The following RPH3A variants were observed in gnomAD, a reference collection of about 807,000 sequenced individuals.
The protein encoded by RPH3A is rabphilin 3A.
Under a neutral mutation model 102.2 loss-of-function variants are expected in RPH3A, and 48 were observed. That is an observed-to-expected ratio of 0.47 (90% CI 0.37 to 0.60). The LOEUF is 0.60. Among genes scored for constraint, RPH3A ranks in the 20% least tolerant of loss-of-function variants. The probability of loss-of-function intolerance (pLI) is 0.00; values close to 1 mark genes in which losing one functional copy is unlikely to be tolerated. For synonymous variants in RPH3A, 310 were observed against 324.3 expected, an observed-to-expected ratio of 0.96 and a Z score of 0.47; for missense variants, 781 against 910.1, an observed-to-expected ratio of 0.86 and a Z score of 1.83.
rs1306626141 is a variant in RPH3A, at chr12:112,898,649, T to C, written c.*1869T>C. The C allele has an allele frequency of 6.6e-6, 1 of 152,158 alleles. No homozygotes were observed. The highest frequency in any genetic ancestry group is 2.1e-4 in the South Asian group (1 of 4,822). The allele number at this position is 152,158 out of a possible 1,614,324, so 9.4% of individuals were successfully genotyped here. A position where few individuals can be genotyped will look rare whatever the true frequency, so the allele number is the denominator to read the frequency against. On this transcript the variant is annotated 3_prime_UTR_variant, in exon 22 of 22. Transcript: ENST00000389385. ...TCAGCCCACCTCCCTCACCACAGTT[T>C]CCCCTTAGGAGACAGCATGCTGGCT...
chr12:112,692,465 T>C (rs553319071), intron 1 of RPH3A, among the ~76,000 whole-genome samples: 1 of 152,210 alleles, frequency 6.6e-6, no homozygotes, highest in South Asian at 2.1e-4. Context: ...ATAAAAGAAA[T>C]TGAATGTGAG....
intron 13 of RPH3A, among the ~76,000 whole-genome samples, chr12:112,877,569 C>T (rs530550875): frequency 6.6e-6 from 1 of 152,206 alleles, no homozygotes; most frequent in African/African-American, 2.4e-5. Flanking sequence ...TGGGTGGGGA[C>T]ATTACCAGTT....
chr12:112,661,265 C>A (rs1303485142), intron 1 of RPH3A, among the ~76,000 whole-genome samples: 1 of 152,086 alleles, frequency 6.6e-6, no homozygotes, highest in Non-Finnish European at 1.5e-5. Flanking sequence ...TCCTCAAGTG[C>A]AAAATAGAAG....
At chr12:112,579,885 A>G (rs2039384494) in intron 1 of RPH3A, among the ~76,000 whole-genome samples, 1 of 152,310 alleles carries the variant, frequency 6.6e-6, no homozygotes, top group South Asian at 2.1e-4. Context: ...GTGCACCACC[A>G]TAGCTGGCCA....
intron 2 of RPH3A, among the ~76,000 whole-genome samples, chr12:112,821,298 A>G (rs1024755092): frequency 6.6e-6 from 1 of 152,190 alleles, no homozygotes; most frequent in African/African-American, 2.4e-5. Context: ...CTCTGGATGC[A>G]TATTTGAGAT....
At chr12:112,804,639 C>T (rs762764346) in intron 2 of RPH3A, among the ~76,000 whole-genome samples, 19 of 152,240 alleles carry the variant, frequency 1.2e-4, no homozygotes, top group Non-Finnish European at 2.4e-4. Context: ...CCTGGGCTCA[C>T]GTCTCCACTT....
chr12:112,576,034 A>G (rs887703617), intron 1 of RPH3A, among the ~76,000 whole-genome samples: 1 of 152,198 alleles, frequency 6.6e-6, no homozygotes, highest in Non-Finnish European at 1.5e-5. Context: ...AGTTTCAACT[A>G]CGCACCAGGC....
chr12:112,627,207 A>G (rs2039773096), intron 1 of RPH3A, among the ~76,000 whole-genome samples: 2 of 151,458 alleles, frequency 1.3e-5, no homozygotes, highest in East Asian at 3.9e-4. Context: ...CTTAAAGTAT[A>G]ATAAAAATAA....
chr12:112,847,307 T>C (rs1052152074), intron 4 of RPH3A, among the ~76,000 whole-genome samples: 2 of 152,200 alleles, frequency 1.3e-5, no homozygotes, highest in African/African-American at 4.8e-5. Context: ...TTTAAAAAGC[T>C]ATGTGGCCCC....
upstream of RPH3A, among the ~76,000 whole-genome samples, chr12:112,786,995 C>A (rs753450544): frequency 1.4e-4 from 22 of 152,144 alleles, no homozygotes; most frequent in Non-Finnish European, 3.1e-4. Flanking sequence ...TACCTGGTAG[C>A]TTCTTCCACC....
At chr12:112,723,658 A>G (rs1040829443) in intron 1 of RPH3A, among the ~76,000 whole-genome samples, 4 of 152,254 alleles carry the variant, frequency 2.6e-5, no homozygotes, top group African/African-American at 9.6e-5. Context: ...GAGAACCGCT[A>G]GAGATCACTT....
intron 1 of RPH3A, among the ~76,000 whole-genome samples, chr12:112,710,568 C>G (rs969484108): frequency 7.2e-5 from 11 of 152,202 alleles, no homozygotes; most frequent in Admixed American, 5.2e-4. Context: ...GTGACACGTC[C>G]TTAAGGTCCC....
At chr12:112,580,277 TC>T (rs2039388057) in intron 1 of RPH3A, among the ~76,000 whole-genome samples, 1 of 151,446 alleles carries the variant, frequency 6.6e-6, no homozygotes, top group South Asian at 2.1e-4. Flanking sequence ...TTTCTATATC[TC>T]CCCACCCCCT....
intron 1 of RPH3A, among the ~76,000 whole-genome samples, chr12:112,751,088 T>C (rs1430414697): frequency 6.6e-6 from 1 of 152,228 alleles, no homozygotes; most frequent in Non-Finnish European, 1.5e-5. Context: ...TTGGCCTTCC[T>C]TAGGACTTTT....
At chr12:112,677,906 G>C (rs181912913) in intron 1 of RPH3A, among the ~76,000 whole-genome samples, 10 of 152,122 alleles carry the variant, frequency 6.6e-5, no homozygotes, top group Admixed American at 1.3e-4. Context: ...AAATACAAGG[G>C]CAGGCCAGGC....
Position 112,695,894 on chromosome 12 carries a change from A to G in RPH3A, c.-139-96249A>G, listed in dbSNP as rs1027501741. 4.6e-5 allele frequency among the ~76,000 whole-genome samples: 7 copies of G among 152,210 alleles called. No individual in the cohort carries two copies. The East Asian group carries it at 1.4e-3, about 29-fold the overall frequency. On this transcript the variant is annotated intron_variant, in intron 1 of 21. Coordinates refer to the RPH3A transcript ENST00000543106. ...GTACAGGTGGTTTTTGGTTACATGG[A>G]TAAGTTCTTTAGTGGTGATTTCTAA...
At chr12:112,740,265 A>G (rs2040699860) in intron 1 of RPH3A, among the ~76,000 whole-genome samples, 1 of 152,212 alleles carries the variant, frequency 6.6e-6, no homozygotes, top group African/African-American at 2.4e-5. Context: ...GGCATATAAT[A>G]AAAAGTTTTC....
Position 112,816,693 on chromosome 12 carries a change from ATAT to A in RPH3A, c.-18-11590_-18-11588del, listed in dbSNP as rs10626494. On this transcript the variant is annotated intron_variant, in intron 2 of 21. Transcript: ENST00000389385. ...AACAAATGACCCACGCTTGAGAATT[ATAT>A]TATTATTATTATTATTAGTGTATTA... is the stretch of plus-strand genomic sequence containing the variant. 5.6e-3 allele frequency among the ~76,000 whole-genome samples: 848 copies of A among 151,794 alleles called. 6 individuals are homozygous for A. Among genetic ancestry groups the A allele is most frequent in the African/African-American group, 0.02 (807 of 41,304 alleles).
chr12:112,672,266 C>T (rs771728790), intron 1 of RPH3A, among the ~76,000 whole-genome samples: 10 of 152,146 alleles, frequency 6.6e-5, no homozygotes, highest in Non-Finnish European at 5.9e-5. Flanking sequence ...CCTCCATCTT[C>T]GCTCTTAAGG....
Sources: gnomAD v4.1 joint callset for allele counts (sites outside exome capture counted in the v4.1 genomes callset) on GRCh38, gnomAD v4.1.1 for gene constraint, MANE v1.5 for transcripts, NCBI Gene and HGNC (gene_info 2026-07-23, HGNC 2026-07-21) for gene names.